Variants in KLRK1 observed in about 807,000 individuals in gnomAD.
The protein encoded by KLRK1 is killer cell lectin like receptor K1.
In KLRK1, 40 loss-of-function variants were observed where a neutral mutation model predicts 31.3. The ratio of observed to expected loss-of-function variants is 1.28; its 90% CI spans 0.99 to 1.67. The LOEUF (loss-of-function observed/expected upper bound fraction) is 1.67. Ranked by LOEUF, KLRK1 falls within the 40% of genes most tolerant of loss-of-function variation. The pLI, the probability that KLRK1 is intolerant of heterozygous loss-of-function variation, is 0.00. For missense variants in KLRK1, 251 were observed against 260.0 expected (o/e 0.97, Z 0.24); for synonymous variants, 77 against 77.3 (o/e 1.00, Z 0.02).
intron 4 of KLRK1, 43 bp from the exon 5 acceptor site, chr12:10,379,525 A>G: frequency 7.4e-7 from 1 of 1,360,228 alleles, no homozygotes; most frequent in Non-Finnish European, 1.0e-6. Context: ...TATTGTTAGT[A>G]ACTTATAGTA....
chr12:10,375,124 A>G (rs1370029792), intron 7 of KLRK1, among the ~76,000 whole-genome samples: 1 of 152,210 alleles, frequency 6.6e-6, no homozygotes, highest in African/African-American at 2.4e-5. Context: ...AATTACAAAT[A>G]GATAATAAGG....
intron 6 of KLRK1, 94 bp from the exon 7 acceptor site, chr12:10,378,329 TA>T (rs1318284952): frequency 1.4e-6 from 2 of 1,401,384 alleles, no homozygotes; most frequent in Non-Finnish European, 9.8e-7. Flanking sequence ...CTCACACTTG[TA>T]AAAAAATGCA....
At chr12:10,383,842 C>A (rs927809462) in intron 3 of KLRK1, among the ~76,000 whole-genome samples, 3 of 152,008 alleles carry the variant, frequency 2.0e-5, no homozygotes, top group Non-Finnish European at 4.4e-5. Flanking sequence ...TAACGAGGAA[C>A]TTTGGAAACT....
At chr12:10,374,956 G>GA (rs1315598673) in intron 7 of KLRK1, among the ~76,000 whole-genome samples, 4 of 151,870 alleles carry the variant, frequency 2.6e-5, no homozygotes, top group Admixed American at 2.0e-4. Flanking sequence ...TTTTGCTTCT[G>GA]AAAAAAAATT....
At chr12:10,382,895 G>A (rs1057203004) in intron 3 of KLRK1, among the ~76,000 whole-genome samples, 1 of 149,838 alleles carries the variant, frequency 6.7e-6, no homozygotes, top group South Asian at 2.3e-4. Context: ...TTGTTGTTTT[G>A]TTTTTCTTTG....
At chr12:10,379,823 A>C in intron 3 of KLRK1, 31 bp from the exon 4 acceptor site, 5 of 1,591,530 alleles carry the variant, frequency 3.1e-6, no homozygotes, top group Non-Finnish European at 4.3e-6. Context: ...AGATCAGAGA[A>C]AGAAGCATAA....
chr12:10,376,810 CTTA>C (rs1426472564), intron 7 of KLRK1, among the ~76,000 whole-genome samples: 6 of 149,716 alleles, frequency 4.0e-5, no homozygotes, highest in African/African-American at 1.5e-4. Flanking sequence ...CTGAAATTTA[CTTA>C]TTTATTTATT....
At chr12:10,373,661 AATAC>A (rs557917971) in intron 7 of KLRK1, among the ~76,000 whole-genome samples, 164 of 149,928 alleles carry the variant, frequency 1.1e-3, no homozygotes, top group African/African-American at 3.6e-3. Context: ...TTTCAAATCT[AATAC>A]ATACATACAC....
At chr12:10,385,168 G>C (rs1863143260) in intron 3 of KLRK1, among the ~76,000 whole-genome samples, 1 of 151,926 alleles carries the variant, frequency 6.6e-6, no homozygotes, top group African/African-American at 2.4e-5. Flanking sequence ...AGCCATTATG[G>C]AAACAGTATG....
chr12:10,373,050 G>T lies in KLRK1; in HGVS notation c.*64C>A. Reference sequence around the variant, plus strand: ...TGTTTGTTTCCTTTAGTCTCAGTTGGCAGTGTTACCGCTGGTGTAATCTCT... The same window carrying T: ...TGTTTGTTTCCTTTAGTCTCAGTTGTCAGTGTTACCGCTGGTGTAATCTCT... On this transcript the variant is annotated 3_prime_UTR_variant, in exon 8 of 8. Coordinates refer to ENST00000240618, the MANE Select transcript of KLRK1 (RefSeq NM_007360.4). 7.1e-7 allele frequency: 1 copy of T among 1,407,156 alleles called. No individual in the cohort carries two copies. The highest frequency in any genetic ancestry group is 9.9e-7 in the Non-Finnish European group (1 of 1,009,836). The allele number at this position is 1,407,156 out of a possible 1,614,324, so 87.2% of individuals were successfully genotyped here.
intron 7 of KLRK1, among the ~76,000 whole-genome samples, chr12:10,374,740 A>G (rs1287417643): frequency 1.3e-5 from 2 of 151,676 alleles, no homozygotes; most frequent in African/African-American, 2.4e-5. Context: ...GTTTTTTCAT[A>G]CTACTTTCAT....
chr12:10,388,470 G>A (rs1308182479), intron 2 of KLRK1, among the ~76,000 whole-genome samples: 1 of 152,102 alleles, frequency 6.6e-6, no homozygotes, highest in Non-Finnish European at 1.5e-5. Context: ...CAAATCTAGA[G>A]AGCGGTAAAA....
intron 7 of KLRK1, 50 bp downstream of exon 7, chr12:10,378,082 A>G: frequency 6.5e-7 from 1 of 1,548,074 alleles, no homozygotes; most frequent in Non-Finnish European, 8.8e-7. Context: ...TTACAGGGAA[A>G]ACTTAGGAAA....
At chr12:10,380,647 G>T (rs1433225757) in intron 3 of KLRK1, among the ~76,000 whole-genome samples, 1 of 152,136 alleles carries the variant, frequency 6.6e-6, no homozygotes, top group African/African-American at 2.4e-5. Flanking sequence ...CCACTGAGGA[G>T]AAAAGGTAAA....
Position 10,378,624 on chromosome 12 carries a change from C to T in KLRK1, c.359G>A (p.Trp120Ter), listed in dbSNP as rs770451727. The change falls in exon 6 of 8, where the codon TGG becomes TAG. Residue 120 changes from tryptophan to a stop codon, truncating the protein, a stop_gained. Coordinates refer to ENST00000240618, the MANE Select transcript of KLRK1 (RefSeq NM_007360.4). LOFTEE classifies it high-confidence loss of function. Reference protein sequence around the residue: ...CYQFFDESKNWYESQASCMSQ... With the variant: ...CYQFFDESKN ...CATACAAGAAGCCTGGCTCTCATAC[C>T]AGTTTTTACTCTCATCAAAAAATTG... is the stretch of plus-strand genomic sequence containing the variant. 47 of 1,612,678 alleles carry T rather than the reference C, an allele frequency of 2.9e-5. No individual in the cohort carries two copies. Among genetic ancestry groups the T allele is most frequent in the Non-Finnish European group, 3.8e-5 (45 of 1,179,762 alleles).
At chr12:10,387,799 G>A (rs1313561288) in intron 2 of KLRK1, among the ~76,000 whole-genome samples, 1 of 151,986 alleles carries the variant, frequency 6.6e-6, no homozygotes, top group Non-Finnish European at 1.5e-5. Flanking sequence ...ACCCACCTCA[G>A]CCTCCCAAAT....
At chr12:10,385,078 G>C (rs1370852796) in intron 3 of KLRK1, among the ~76,000 whole-genome samples, 1 of 151,828 alleles carries the variant, frequency 6.6e-6, no homozygotes, top group Non-Finnish European at 1.5e-5. Context: ...TATTTAAAAA[G>C]ACAAAAAATA....
At chr12:10,388,988 G>A in intron 1 of KLRK1, 113 bp from the exon 2 acceptor site, 1 of 573,266 alleles carries the variant, frequency 1.7e-6, no homozygotes. Flanking sequence ...ATGCCTTTAA[G>A]AAAAGAATAG....
At chr12:10,376,893 T>C (rs1029360489) in intron 7 of KLRK1, among the ~76,000 whole-genome samples, 2 of 152,126 alleles carry the variant, frequency 1.3e-5, no homozygotes, top group Admixed American at 6.5e-5. Context: ...CTCGGCTCAC[T>C]GCAACCTCCG....
Sources: allele counts gnomAD v4.1 joint callset (sites outside exome capture counted in the v4.1 genomes callset), GRCh38; gene constraint gnomAD v4.1.1; transcripts MANE v1.5; gene names NCBI Gene and HGNC (gene_info 2026-07-23, HGNC 2026-07-21).